MRPS14: variants seen among roughly 807,000 people sequenced by gnomAD.
The protein encoded by MRPS14 is small ribosomal subunit protein uS14m.
A neutral mutation model predicts 16.4 loss-of-function variants in MRPS14; 14 were observed. That is an observed-to-expected ratio of 0.85 (90% CI 0.56 to 1.33). The LOEUF (loss-of-function observed/expected upper bound fraction) is 1.33. MRPS14 is among the 40% of genes most tolerant of loss of function. The pLI is 0.00. For missense variants in MRPS14, 162 were observed against 176.8 expected (o/e 0.92, Z 0.48); for synonymous variants, 54 against 61.9 (o/e 0.87, Z 0.60).
In MRPS14 at chr1:175,023,386, G is replaced by GAT; in HGVS notation, c.22_23insAT (p.Ser8TyrfsTer24). ...GACCTGCTTGAACGTCCGCAGCAGC[G>GAT]AGCCCAGCATGAAGGCCGCCATGTT... On this transcript the variant is annotated frameshift_variant, in exon 1 of 3. Transcript: ENST00000476371. LOFTEE classifies it high-confidence loss of function. 6.2e-7 allele frequency: 1 copy of GAT among 1,614,186 alleles called. No homozygotes were observed. The highest frequency in any genetic ancestry group is 8.5e-7 in the Non-Finnish European group (1 of 1,180,044).
chr1:175,021,145 G>A (rs1448075527), intron 1 of MRPS14, among the ~76,000 whole-genome samples: 2 of 152,064 alleles, frequency 1.3e-5, no homozygotes, highest in Admixed American at 6.6e-5. Flanking sequence ...TTGCAGCTTC[G>A]AGTTCTCCTT....
intron 1 of MRPS14, among the ~76,000 whole-genome samples, chr1:175,021,801 C>A (rs886234084): frequency 1.3e-5 from 2 of 152,196 alleles, no homozygotes; most frequent in Non-Finnish European, 2.9e-5. Context: ...CTTGCTCCCA[C>A]ATCCTCACAC....
At chr1:175,015,812 A>G (rs892379030) in intron 2 of MRPS14, among the ~76,000 whole-genome samples, 1 of 152,246 alleles carries the variant, frequency 6.6e-6, no homozygotes, top group Admixed American at 6.5e-5. Context: ...ATAACACATT[A>G]AAATAACACA....
rs1672818829 is a variant in MRPS14 at position 175,013,426 on chromosome 1, T to C, written c.*1243A>G. The C allele has an allele frequency of 1.3e-5, 2 of 152,226 alleles. No individual in the cohort carries two copies. The highest frequency in any genetic ancestry group is 4.1e-4 in the South Asian group (2 of 4,836). 9.4% of individuals were successfully genotyped at this position (152,226 alleles called of 1,614,324 possible). On this transcript the variant is annotated 3_prime_UTR_variant, in exon 3 of 3. Coordinates refer to ENST00000476371, the MANE Select transcript of MRPS14 (RefSeq NM_022100.3). ...AGGAACCCAGAGAACCATCTTTACC[T>C]CTTAGATATAATCAGTCTTGTAAGT...
intron 1 of MRPS14, chr1:175,023,122 C>T: frequency 2.1e-6 from 2 of 930,618 alleles, no homozygotes; most frequent in South Asian, 3.5e-5. Flanking sequence ...TCTGCTTACT[C>T]CCTTACAAAT....
intron 1 of MRPS14, among the ~76,000 whole-genome samples, chr1:175,020,710 T>C (rs1487351390): frequency 2.0e-5 from 3 of 152,224 alleles, no homozygotes; most frequent in Non-Finnish European, 2.9e-5. Context: ...GGTTTCTCCA[T>C]GTTGGTCAGG....
rs767179945 is a variant in MRPS14, at chr1:175,014,810, G to A, written c.246C>T (p.Ser82=). ...DEEIAALPRD[S]CPVRIRNRCV... ...ACCGATTTCTGATTCTAACAGGACA[G>A]CTATCCCGGGGGAGGGCAGCAATTT... The change falls in exon 3 of 3, where the codon AGC becomes AGT. Residue 82 remains serine (S), a synonymous_variant. Transcript: ENST00000476371. The A allele has an allele frequency of 1.9e-6, 3 of 1,614,040 alleles. No homozygotes were observed. Among genetic ancestry groups the A allele is most frequent in the Admixed American group, 3.3e-5 (2 of 59,972 alleles).
At position 175,018,510 on chromosome 1, in the gene MRPS14, C is replaced by A. The variant is rs200461437; in HGVS notation, c.112G>T (p.Val38Leu). 7.4e-6 allele frequency: 12 copies of A among 1,613,296 alleles called. No individual in the cohort carries two copies. The highest frequency in any genetic ancestry group is 1.0e-5 in the Non-Finnish European group (12 of 1,179,884). Residue 38 changes from valine (V) to leucine (L), a missense_variant, in exon 2 of 3, where the codon GTG becomes TTG. Val to Leu is a conservative substitution (Grantham distance 32, BLOSUM62 1). Coordinates refer to ENST00000476371, the MANE Select transcript of MRPS14 (RefSeq NM_022100.3). ...TCATAGGCCATTTTTCGTCTCTTCA[C>A]ATCGCGCCACATTCTCCAGTCTACA... ...HYVDWRMWRD[V>L]KRRKMAYEYA...
At chr1:175,021,396 T>C (rs1005186195) in intron 1 of MRPS14, among the ~76,000 whole-genome samples, 2 of 152,238 alleles carry the variant, frequency 1.3e-5, no homozygotes, top group African/African-American at 4.8e-5. Context: ...TCAATGACTT[T>C]TGTCCTCCAC....
In MRPS14 at chr1:175,017,889, G is replaced by T. The variant is rs564270523; in HGVS notation, c.204+529C>A. ...ACCTGTAATCCCAGCACTTTGGGAG[G>T]CCCAGATGGGTGGATCACAAGATCA... On this transcript the variant is annotated intron_variant, in intron 2 of 2. Transcript: ENST00000476371. Among the ~76,000 whole-genome samples the T allele has an allele frequency of 1.4e-4, 22 of 152,296 alleles. 2 individuals are homozygous for T. The South Asian group carries it at 3.7e-3, about 26-fold the overall frequency.
In MRPS14 at chr1:175,013,082, T is replaced by A. The variant is rs1672807266; in HGVS notation, c.*1587A>T. 1 of 152,232 alleles carries A rather than the reference T, an allele frequency of 6.6e-6. No homozygotes were observed. The highest frequency in any genetic ancestry group is 2.4e-5 in the African/African-American group (1 of 41,462). 9.4% of individuals were successfully genotyped at this position (152,232 alleles called of 1,614,324 possible). A position where few individuals can be genotyped will look rare whatever the true frequency, so the allele number is the denominator to read the frequency against. On this transcript the variant is annotated 3_prime_UTR_variant, in exon 3 of 3. Coordinates refer to ENST00000476371, the MANE Select transcript of MRPS14 (RefSeq NM_022100.3). ...ACTTTAGAACACAAGTGTTTGCCCA[T>A]TGGTAGTGAGATGGATTCTAAGTTG...
intron 1 of MRPS14, among the ~76,000 whole-genome samples, chr1:175,020,770 G>A (rs1672967350): frequency 6.6e-6 from 1 of 152,046 alleles, no homozygotes; most frequent in Admixed American, 6.6e-5. Context: ...AATATTTATT[G>A]GCCTATTATA....
At position 175,013,148 on chromosome 1, in the gene MRPS14, A is replaced by T. The variant is rs1672810799; in HGVS notation, c.*1521T>A. 1.3e-5 allele frequency: 2 copies of T among 152,218 alleles called. No homozygotes were observed. Among genetic ancestry groups the T allele is most frequent in the Admixed American group, 1.3e-4 (2 of 15,292 alleles). The allele number at this position is 152,218 out of a possible 1,614,324, so 9.4% of individuals were successfully genotyped here. ...CATTCCAGTTGGTAAGTTGTCATAC[A>T]TATTTAAGAAATATGAATCCAAACT... is the stretch of plus-strand genomic sequence containing the variant. On this transcript the variant is annotated 3_prime_UTR_variant, in exon 3 of 3. Coordinates refer to ENST00000476371, the MANE Select transcript of MRPS14 (RefSeq NM_022100.3).
chr1:175,023,320 TCAGCGGTGAGGGG>T (rs1441853957), intron 1 of MRPS14, 31 bp downstream of exon 1: 8 of 1,606,878 alleles, frequency 5.0e-6, no homozygotes, highest in Non-Finnish European at 6.8e-6. Context: ...GTTATGAGAT[TCAGCGGTGAGGGG>T]TAGCGGTGTG....
chr1:175,015,703 G>A (rs1437313255), intron 2 of MRPS14, among the ~76,000 whole-genome samples: 1 of 152,188 alleles, frequency 6.6e-6, no homozygotes, highest in Non-Finnish European at 1.5e-5. Context: ...TTCTTCTTAT[G>A]TATGTGTTCA....
intron 2 of MRPS14, among the ~76,000 whole-genome samples, chr1:175,017,140 T>C (rs1382618746): frequency 6.6e-6 from 1 of 151,918 alleles, no homozygotes; most frequent in African/African-American, 2.4e-5. Context: ...CTGTAACCTC[T>C]GCCTCCCGAG....
At chr1:175,023,154 C>T (rs1673011174) in intron 1 of MRPS14, 2 of 1,232,914 alleles carry the variant, frequency 1.6e-6, no homozygotes, top group South Asian at 3.1e-5. Context: ...TCACATCTTC[C>T]AATACCAGTT....
chr1:175,019,123 C>T (rs1195956108), intron 1 of MRPS14, among the ~76,000 whole-genome samples: 1 of 152,168 alleles, frequency 6.6e-6, no homozygotes, highest in Non-Finnish European at 1.5e-5. Context: ...CCATTTTCTT[C>T]ATATTGCATA....
At chr1:175,020,507 AT>A (rs985772815) in intron 1 of MRPS14, among the ~76,000 whole-genome samples, 3 of 151,726 alleles carry the variant, frequency 2.0e-5, no homozygotes, top group Non-Finnish European at 2.9e-5. Context: ...AGTAATATCC[AT>A]TTTTTCCCCC....
Sources: allele counts gnomAD v4.1 joint callset (sites outside exome capture counted in the v4.1 genomes callset), GRCh38; gene constraint gnomAD v4.1.1; transcripts MANE v1.5; gene names NCBI Gene and HGNC (gene_info 2026-07-23, HGNC 2026-07-21).